OPCML: variants seen among roughly 807,000 people sequenced by gnomAD.
OPCML encodes the protein opioid-binding protein/cell adhesion molecule.
A neutral mutation model predicts 37.8 loss-of-function variants in OPCML; 13 were observed. That is an observed-to-expected ratio of 0.34 (90% CI 0.22 to 0.55). The LOEUF is 0.55. Among genes scored for constraint, OPCML ranks in the 20% least tolerant of loss-of-function variants. The probability of loss-of-function intolerance (pLI) is 0.91; values close to 1 mark genes in which losing one functional copy is unlikely to be tolerated. For missense variants in OPCML, 341 were observed against 435.6 expected (o/e 0.78, Z 1.93); for synonymous variants, 176 against 168.8 (o/e 1.04, Z -0.33).
chr11:132,422,881 GGA>G (rs1421590132), intron 7 of OPCML, among the ~76,000 whole-genome samples: 1 of 152,188 alleles, frequency 6.6e-6, no homozygotes, highest in Admixed American at 6.5e-5. Flanking sequence ...GAGAAACAAT[GGA>G]CTGGGAATGC....
At chr11:133,476,189 C>T (rs371587300) in intron 1 of OPCML, among the ~76,000 whole-genome samples, 2 of 152,160 alleles carry the variant, frequency 1.3e-5, no homozygotes, top group East Asian at 1.9e-4. Context: ...CATACAGGCT[C>T]ATCCTCTGGG....
intron 2 of OPCML, among the ~76,000 whole-genome samples, chr11:132,763,347 T>C (rs1366660028): frequency 1.3e-5 from 2 of 152,184 alleles, no homozygotes; most frequent in African/African-American, 4.8e-5. Flanking sequence ...TTAGTAATAG[T>C]ACTAATTATA....
intron 2 of OPCML, among the ~76,000 whole-genome samples, chr11:132,924,006 G>A (rs560589412): frequency 7.3e-4 from 111 of 151,452 alleles, no homozygotes; most frequent in African/African-American, 2.4e-3. Flanking sequence ...CAGGTGATCC[G>A]CCCGCCTCGG....
intron 1 of OPCML, among the ~76,000 whole-genome samples, chr11:133,097,043 A>C (rs1565445546): frequency 6.6e-6 from 1 of 152,172 alleles, no homozygotes; most frequent in Non-Finnish European, 1.5e-5. Flanking sequence ...GTCATGAGTC[A>C]ATTAGATATA....
intron 3 of OPCML, among the ~76,000 whole-genome samples, chr11:132,565,426 G>A (rs1324893267): frequency 6.6e-6 from 1 of 152,298 alleles, no homozygotes; most frequent in Non-Finnish European, 1.5e-5. Context: ...CCGAACGTTA[G>A]CTTTCACATG....
At chr11:133,477,172 C>A (rs544349468) in intron 1 of OPCML, among the ~76,000 whole-genome samples, 1 of 152,142 alleles carries the variant, frequency 6.6e-6, no homozygotes, top group African/African-American at 2.4e-5. Context: ...TTTCCCCCCA[C>A]GTTTTTCTGT....
intron 2 of OPCML, among the ~76,000 whole-genome samples, chr11:132,659,287 G>GA (rs895540483): frequency 6.6e-6 from 1 of 152,114 alleles, no homozygotes; most frequent in African/African-American, 2.4e-5. Context: ...TTTTCTTGGG[G>GA]AAAAAATATG....
chr11:132,895,596 T>A (rs1489125418), intron 2 of OPCML, among the ~76,000 whole-genome samples: 4 of 152,196 alleles, frequency 2.6e-5, no homozygotes, highest in Non-Finnish European at 2.9e-5. Context: ...GAGATGGGGA[T>A]GTGTGGGAGG....
At chr11:132,728,138 A>T (rs138106042) in intron 2 of OPCML, among the ~76,000 whole-genome samples, 66 of 152,374 alleles carry the variant, frequency 4.3e-4, no homozygotes, top group Middle Eastern at 3.4e-3. Flanking sequence ...GGGCTGCTCC[A>T]TGGGAACACC....
chr11:133,355,024 G>A (rs558647651), intron 1 of OPCML, among the ~76,000 whole-genome samples: 2 of 152,194 alleles, frequency 1.3e-5, no homozygotes, highest in African/African-American at 4.8e-5. Flanking sequence ...GTGCACAAAC[G>A]TCTTACTAAT....
In OPCML at chr11:133,532,406, TTC is replaced by T; in HGVS notation, c.-84_-83del. 1 of 1,528,138 alleles carries T rather than the reference TTC, an allele frequency of 6.5e-7. No individual in the cohort carries two copies. Among genetic ancestry groups the T allele is most frequent in the Non-Finnish European group, 8.9e-7 (1 of 1,119,606 alleles). 94.7% of individuals were successfully genotyped at this position (1,528,138 alleles called of 1,614,324 possible). ...CGCTGCTGCCTTCCTCTGTGCTGAA[TTC>T]TGAGCAGGTTTAAATCCAATGTTTG... On this transcript the variant is annotated 5_prime_UTR_variant, in exon 1 of 8. Coordinates refer to ENST00000524381, the MANE Select transcript of OPCML (RefSeq NM_001012393.5).
At chr11:133,088,987 G>C (rs1424394290) in intron 1 of OPCML, among the ~76,000 whole-genome samples, 1 of 152,196 alleles carries the variant, frequency 6.6e-6, no homozygotes, top group Non-Finnish European at 1.5e-5. Context: ...CTAATAGTAA[G>C]TAATGTAGTT....
intron 4 of OPCML, among the ~76,000 whole-genome samples, chr11:132,456,767 T>C (rs1592202890): frequency 6.6e-6 from 1 of 152,380 alleles, no homozygotes; most frequent in South Asian, 2.1e-4. Flanking sequence ...TATTGTCTAT[T>C]GAGTATTGTT....
chr11:132,670,667 T>C (rs1371216974), intron 2 of OPCML, among the ~76,000 whole-genome samples: 1 of 152,202 alleles, frequency 6.6e-6, no homozygotes, highest in Admixed American at 6.5e-5. Flanking sequence ...ATCAGTTTTC[T>C]CATTTGGAAA....
At chr11:132,942,812 G>T in intron 2 of OPCML, 114 bp downstream of exon 2, 1 of 1,398,286 alleles carries the variant, frequency 7.2e-7, no homozygotes, top group Non-Finnish European at 9.9e-7. Flanking sequence ...CCTCGGGCCT[G>T]CACAAGGCCC....
At chr11:133,166,494 T>C (rs1050046304) in intron 1 of OPCML, among the ~76,000 whole-genome samples, 4 of 152,214 alleles carry the variant, frequency 2.6e-5, no homozygotes, top group Non-Finnish European at 1.5e-5. Context: ...CTTTTCTATG[T>C]GTGGTGTAGT....
At chr11:132,582,061 G>A (rs1478563211) in intron 3 of OPCML, among the ~76,000 whole-genome samples, 2 of 151,346 alleles carry the variant, frequency 1.3e-5, no homozygotes, top group Non-Finnish European at 2.9e-5. Flanking sequence ...CTTAGCATGA[G>A]CAATAACAGA....
At chr11:132,925,950 G>A (rs1463327900) in intron 2 of OPCML, among the ~76,000 whole-genome samples, 1 of 152,116 alleles carries the variant, frequency 6.6e-6, no homozygotes, top group South Asian at 2.1e-4. Flanking sequence ...TCTGTTGCTA[G>A]AACACAGTGA....
At position 133,212,757 on chromosome 11, in the gene OPCML, G is replaced by C. The variant is rs1269827207; in HGVS notation, c.62-269747C>G. Among the ~76,000 whole-genome samples, 1 of 152,170 alleles carries C rather than the reference G, an allele frequency of 6.6e-6. No individual in the cohort carries two copies. Among genetic ancestry groups the C allele is most frequent in the Non-Finnish European group, 1.5e-5 (1 of 68,028 alleles). ...AGAATAGTGTTTGAATGAATGAAGG[G>C]ATTTCCCAGCAGCTTTCAGACCCCT... On this transcript the variant is annotated intron_variant, in intron 1 of 7. Transcript: ENST00000524381. This position sits in a 1 kb window ranked among gnomAD's most constrained non-coding sequence, Gnocchi z 4.9.
Sources: gnomAD v4.1 joint callset for allele counts (sites outside exome capture counted in the v4.1 genomes callset) on GRCh38, gnomAD v4.1.1 for gene constraint, Gnocchi (gnomAD v3.1) non-coding constraint, MANE v1.5 for transcripts, NCBI Gene and HGNC (gene_info 2026-07-23, HGNC 2026-07-21) for gene names.